Variants in RARB observed in about 807,000 individuals in gnomAD.
The protein encoded by RARB is retinoic acid receptor beta, also known as HBV-activated protein.
RARB carries 17 observed loss-of-function variants against 51.9 expected under a neutral mutation model. The ratio of observed to expected loss-of-function variants is 0.33; its 90% confidence interval spans 0.22 to 0.49. The LOEUF is 0.49. RARB is among the 20% of genes least tolerant of loss of function. The pLI is 0.99. For synonymous variants in RARB, 215 were observed against 195.4 expected (o/e 1.10, Z -0.84); for missense variants, 369 against 550.8 (o/e 0.67, Z 3.30).
intron 5 of RARB, among the ~76,000 whole-genome samples, chr3:25,313,578 G>T (rs899976183): frequency 9.2e-5 from 14 of 152,016 alleles, no homozygotes; most frequent in South Asian, 4.2e-4. Flanking sequence ...TTTGCTAATT[G>T]GCTCCCAGAT....
chr3:24,989,163 T>C (rs1008311765), intron 2 of RARB, among the ~76,000 whole-genome samples: 3 of 152,182 alleles, frequency 2.0e-5, no homozygotes, highest in Non-Finnish European at 4.4e-5. Flanking sequence ...TGCAGTGCTT[T>C]TCCTTGTACT....
In RARB at chr3:25,083,150, A is replaced by T. The variant is rs185194505; in HGVS notation, c.-328+22974A>T. ...TAGGTATGATTTTTCTTTTTTTCTGATTGGGATTCATTCAGATCCTTGAAT... is the reference window on the plus strand; with the variant it reads ...TAGGTATGATTTTTCTTTTTTTCTGTTTGGGATTCATTCAGATCCTTGAAT... On this transcript the variant is annotated intron_variant, in intron 3 of 11. Coordinates refer to the RARB transcript ENST00000383772. Among the ~76,000 whole-genome samples, 661 of 148,772 alleles carry T rather than the reference A, an allele frequency of 4.4e-3. 5 individuals are homozygous for T. Among genetic ancestry groups the T allele is most frequent in the African/African-American group, 0.015 (592 of 40,282 alleles).
At chr3:25,166,129 TC>T (rs1454161684) in intron 4 of RARB, among the ~76,000 whole-genome samples, 5 of 152,104 alleles carry the variant, frequency 3.3e-5, no homozygotes, top group Non-Finnish European at 7.3e-5. Context: ...TCTCCTTTAT[TC>T]CCAAATTAAA....
chr3:25,239,169 ATTGT>A (rs1256306280), intron 5 of RARB, among the ~76,000 whole-genome samples: 1 of 152,100 alleles, frequency 6.6e-6, no homozygotes, highest in African/African-American at 2.4e-5. Flanking sequence ...TTACTATTAA[ATTGT>A]TTGAGTTCCT....
chr3:25,398,505 G>C (rs1053507122), intron 5 of RARB, among the ~76,000 whole-genome samples: 3 of 152,182 alleles, frequency 2.0e-5, no homozygotes, highest in African/African-American at 7.2e-5. Flanking sequence ...TTGAAATATT[G>C]CTGGCATATA....
intron 1 of RARB, among the ~76,000 whole-genome samples, chr3:24,844,208 A>T (rs1022299246): frequency 3.3e-5 from 5 of 152,186 alleles, no homozygotes; most frequent in Non-Finnish European, 5.9e-5. Context: ...GCTCTCTGCC[A>T]TTCTTGCCAG....
chr3:25,253,005 C>T (rs1015556711), intron 5 of RARB, among the ~76,000 whole-genome samples: 4 of 152,162 alleles, frequency 2.6e-5, no homozygotes, highest in Non-Finnish European at 5.9e-5. Context: ...ATTTATGTGT[C>T]TGTGACTAAG....
At chr3:25,080,286 A>G (rs1245426839) in intron 3 of RARB, among the ~76,000 whole-genome samples, 1 of 152,230 alleles carries the variant, frequency 6.6e-6, no homozygotes, top group Non-Finnish European at 1.5e-5. Flanking sequence ...TTGATGAGTA[A>G]TATTAAATTA....
intron 4 of RARB, among the ~76,000 whole-genome samples, chr3:25,169,725 T>G (rs1700612127): frequency 6.6e-6 from 1 of 152,214 alleles, no homozygotes; most frequent in Admixed American, 6.5e-5. Flanking sequence ...CAGTGACTCA[T>G]GCCTGTAATC....
At position 24,915,172 on chromosome 3, in the gene RARB, CT is replaced by C. The variant is rs749741245; in HGVS notation, c.-380+56428del. ...AAAAGTTGAAGAAAACAAAAACAAACTTTTTTTTGAAAGAGAGGCTTTCTTT... is the reference window on the plus strand; with the variant it reads ...AAAAGTTGAAGAAAACAAAAACAAACTTTTTTTGAAAGAGAGGCTTTCTTT... On this transcript the variant is annotated intron_variant, in intron 2 of 11. Transcript: ENST00000383772. Among the ~76,000 whole-genome samples, 68 of 152,066 alleles carry C rather than the reference CT, an allele frequency of 4.5e-4. No individual in the cohort carries two copies. The East Asian group carries it at 0.011, about 24-fold the overall frequency.
intron 5 of RARB, among the ~76,000 whole-genome samples, chr3:25,404,638 G>T (rs1262031773): frequency 6.6e-6 from 1 of 152,086 alleles, no homozygotes; most frequent in Non-Finnish European, 1.5e-5. Context: ...TTGGCTTAGG[G>T]ACAGATAGTG....
In RARB at chr3:25,280,343, C is replaced by T. The variant is rs80159231; in HGVS notation, c.178+105768C>T. The stretch of plus-strand genomic sequence containing the variant: ...TCTCAAATGAGGGTTTTTTAACCTG[C>T]TTCAGGGGAGAAGGATGAGGAGAAG... On this transcript the variant is annotated intron_variant, in intron 5 of 11. Transcript: ENST00000383772. Among the ~76,000 whole-genome samples the T allele has an allele frequency of 7.0e-3, 1,060 of 152,224 alleles. 18 individuals carry two copies. The highest frequency in any genetic ancestry group is 0.024 in the African/African-American group (1,005 of 41,532).
At chr3:25,480,697 G>A (rs1459789534) in intron 2 of RARB, among the ~76,000 whole-genome samples, 1 of 152,130 alleles carries the variant, frequency 6.6e-6, no homozygotes. Flanking sequence ...TTTCTTATTA[G>A]AGTTAATTTT....
chr3:24,911,729 G>T (rs2125379640), intron 2 of RARB, among the ~76,000 whole-genome samples: 1 of 152,318 alleles, frequency 6.6e-6, no homozygotes, highest in South Asian at 2.1e-4. Flanking sequence ...AAGATGGGAG[G>T]ATCACTTGAG....
chr3:25,098,140 T>C (rs1699335635), intron 3 of RARB, among the ~76,000 whole-genome samples: 1 of 152,024 alleles, frequency 6.6e-6, no homozygotes, highest in African/African-American at 2.4e-5. Flanking sequence ...GACTGGGAAA[T>C]GTGGGGAGGC....
chr3:25,494,783 G>T (rs752325491), intron 2 of RARB, among the ~76,000 whole-genome samples: 1 of 152,208 alleles, frequency 6.6e-6, no homozygotes, highest in Non-Finnish European at 1.5e-5. Flanking sequence ...TTAGAGGTTG[G>T]ACACTGTCCT....
At chr3:25,418,944 C>CAAAAAAAAAAAAAAAA (rs36025962) in intron 5 of RARB, among the ~76,000 whole-genome samples, 1 of 108,608 alleles carries the variant, frequency 9.2e-6, no homozygotes, top group Non-Finnish European at 1.9e-5. Flanking sequence ...ACAGACTAAC[C>CAAAAAAAAAAAAAAAA]AAAAAAAAAA....
At chr3:25,324,856 C>T (rs181204220) in intron 5 of RARB, among the ~76,000 whole-genome samples, 1 of 152,280 alleles carries the variant, frequency 6.6e-6, no homozygotes, top group East Asian at 1.9e-4. Context: ...CCGGCCTTCC[C>T]AAATTACCTT....
intron 2 of RARB, among the ~76,000 whole-genome samples, chr3:25,486,641 C>T (rs1319872048): frequency 6.6e-6 from 1 of 152,200 alleles, no homozygotes; most frequent in Non-Finnish European, 1.5e-5. Flanking sequence ...TGTATATACC[C>T]TACCATCATC....
Sources: gnomAD v4.1 joint callset for allele counts (sites outside exome capture counted in the v4.1 genomes callset) on GRCh38, gnomAD v4.1.1 for gene constraint, MANE v1.5 for transcripts, NCBI Gene and HGNC (gene_info 2026-07-23, HGNC 2026-07-21) for gene names.